Variants in PCDHGA2 observed in about 807,000 individuals in gnomAD.
PCDHGA2 encodes protocadherin gamma-A2.
Under a neutral mutation model 59.2 loss-of-function variants are expected in PCDHGA2, and 40 were observed. The ratio of observed to expected loss-of-function variants is 0.68; its 90% CI spans 0.52 to 0.88. The LOEUF is 0.88. Ranked by LOEUF, PCDHGA2 falls within the 40% of genes least tolerant of loss-of-function variation. The pLI, the probability that PCDHGA2 is intolerant of heterozygous loss-of-function variation, is 0.00. For missense variants in PCDHGA2, 1,226 were observed against 1,204.0 expected (o/e 1.02, Z -0.27); for synonymous variants, 560 against 526.0 (o/e 1.06, Z -0.89).
At chr5:141,370,622 C>G in intron 1 of PCDHGA2, 1 of 1,613,902 alleles carries the variant, frequency 6.2e-7, no homozygotes, top group South Asian at 1.1e-5. Context: ...AATTCTTTAC[C>G]GTGAGCCCCG....
chr5:141,424,116 T>G, intron 1 of PCDHGA2: 1 of 667,648 alleles, frequency 1.5e-6, no homozygotes, highest in Non-Finnish European at 1.9e-6. Context: ...GTTCAAATTT[T>G]GATCCTGTTG....
At chr5:141,362,732 A>G in intron 1 of PCDHGA2, 4 of 795,358 alleles carry the variant, frequency 5.0e-6, no homozygotes. Flanking sequence ...TGTGAGATTT[A>G]TTTACCCATG....
rs1279890312 is a variant in PCDHGA2, at chr5:141,432,403, G to C, written c.2425-62404G>C. On this transcript the variant is annotated intron_variant, in intron 1 of 3. Transcript: ENST00000394576. This position sits in a 1 kb window ranked among gnomAD's most constrained non-coding sequence, Gnocchi z 6.0. ...CGCCCCTCAGCAGCAACGTGTCGTT[G>C]AGCCTGTTCGTGCTGGACCAGAACG... 1.9e-6 allele frequency: 3 copies of C among 1,614,242 alleles called. No homozygotes were observed. Among genetic ancestry groups the C allele is most frequent in the Non-Finnish European group, 8.5e-7 (1 of 1,180,052 alleles).
chr5:141,437,377 A>G (rs1021305426), intron 1 of PCDHGA2, among the ~76,000 whole-genome samples: 3 of 152,246 alleles, frequency 2.0e-5, no homozygotes, highest in Non-Finnish European at 2.9e-5. Flanking sequence ...AATCAGTCAG[A>G]AGACATTCAT....
chr5:141,458,933 A>G (rs920768063), intron 1 of PCDHGA2, among the ~76,000 whole-genome samples: 3 of 151,912 alleles, frequency 2.0e-5, no homozygotes, highest in Admixed American at 6.6e-5. Flanking sequence ...GGGTCTCACT[A>G]TGTTGCTTAG....
intron 1 of PCDHGA2, among the ~76,000 whole-genome samples, chr5:141,402,432 TA>T (rs1325787840): frequency 6.6e-6 from 1 of 152,042 alleles, no homozygotes; most frequent in Non-Finnish European, 1.5e-5. Flanking sequence ...TGAAGCATCA[TA>T]AAAAGGAAAT....
chr5:141,486,322 A>G lies in PCDHGA2; in HGVS notation c.2425-8485A>G. The G allele has an allele frequency of 1.9e-6, 3 of 1,613,926 alleles. No homozygotes were observed. The highest frequency in any genetic ancestry group is 2.5e-6 in the Non-Finnish European group (3 of 1,179,962). On this transcript the variant is annotated intron_variant, in intron 1 of 3. Coordinates refer to ENST00000394576, the MANE Select transcript of PCDHGA2 (RefSeq NM_018915.4). This position sits in a 1 kb window ranked among gnomAD's most constrained non-coding sequence, Gnocchi z 5.0. ...AGGATCCAGACTCAGGGTCAAACGG[A>G]GATGTGAGCCTCCGCATTCCTGACC...
chr5:141,398,356 G>C (rs1242233046), intron 1 of PCDHGA2: 7 of 1,409,380 alleles, frequency 5.0e-6, no homozygotes, highest in East Asian at 2.4e-5. Context: ...TTACTTCACC[G>C]TGAGCGCAGA....
chr5:141,352,213 C>A, intron 1 of PCDHGA2: 2 of 1,614,056 alleles, frequency 1.2e-6, no homozygotes, highest in Non-Finnish European at 1.7e-6. Flanking sequence ...CGCCACTCTC[C>A]GCCACCGCCA....
chr5:141,465,348 A>G (rs886810999), intron 1 of PCDHGA2, among the ~76,000 whole-genome samples: 2 of 152,158 alleles, frequency 1.3e-5, no homozygotes, highest in African/African-American at 4.8e-5. Flanking sequence ...GTTACTGAAG[A>G]AAAAATGGGT....
At chr5:141,399,450 C>T in intron 1 of PCDHGA2, 3 of 1,614,018 alleles carry the variant, frequency 1.9e-6, no homozygotes, top group Non-Finnish European at 1.7e-6. Context: ...TCAGAGACGT[C>T]AACGATAACG....
At position 141,382,899 on chromosome 5, in the gene PCDHGA2, T is replaced by C. The variant is rs148952660; in HGVS notation, c.2424+41504T>C. On this transcript the variant is annotated intron_variant, in intron 1 of 3. Transcript: ENST00000394576. ...GCCTAAGCAAGAGAAGCAGGACGAC[T>C]ATGGCGGCTCAGCCGAGGGGCGGGG... 463 of 1,541,826 alleles carry C rather than the reference T, an allele frequency of 3.0e-4. 2 individuals carry two copies. In the African/African-American group the frequency reaches 5.3e-3, roughly 18 times the overall value.
rs1191643556 is a variant in PCDHGA2 at position 141,486,302 on chromosome 5, C to A, written c.2425-8505C>A. On this transcript the variant is annotated intron_variant, in intron 1 of 3. Transcript: ENST00000394576. The surrounding 1 kb of genome is among the most constrained non-coding windows in gnomAD (Gnocchi z 5.0). ...GGTGGCACTTATCAGTGTGCAGGAT[C>A]CAGACTCAGGGTCAAACGGAGATGT... The A allele has an allele frequency of 6.2e-7, 1 of 1,614,036 alleles. No individual in the cohort carries two copies. The highest frequency in any genetic ancestry group is 8.5e-7 in the Non-Finnish European group (1 of 1,179,994).
chr5:141,344,128 G>T (rs747941691), intron 1 of PCDHGA2: 12 of 1,614,028 alleles, frequency 7.4e-6, no homozygotes, highest in Non-Finnish European at 1.0e-5. Context: ...GGTCAGATCC[G>T]CTACTCGGTG....
At chr5:141,348,378 G>T (rs558148130) in intron 1 of PCDHGA2, among the ~76,000 whole-genome samples, 2 of 152,138 alleles carry the variant, frequency 1.3e-5, no homozygotes, top group African/African-American at 4.8e-5. Flanking sequence ...AGACCTACTT[G>T]GGCAACATAG....
In PCDHGA2 at chr5:141,431,211, G is replaced by A. The variant is rs1054638121; in HGVS notation, c.2425-63596G>A. The A allele has an allele frequency of 6.2e-7, 1 of 1,614,004 alleles. No individual in the cohort carries two copies. The highest frequency in any genetic ancestry group is 1.7e-5 in the Admixed American group (1 of 60,006). ...AGTGAAAATGCAGCCACTGAGATGC[G>A]GTTCCCTCTACCCCACGCCTGGGAT... On this transcript the variant is annotated intron_variant, in intron 1 of 3. Coordinates refer to ENST00000394576, the MANE Select transcript of PCDHGA2 (RefSeq NM_018915.4). This position sits in a 1 kb window ranked among gnomAD's most constrained non-coding sequence, Gnocchi z 4.8.
intron 1 of PCDHGA2, chr5:141,392,432 T>C (rs2092535052): frequency 6.2e-6 from 1 of 160,182 alleles, no homozygotes; most frequent in African/African-American, 2.4e-5. Flanking sequence ...ATTCTTTGGC[T>C]GTTTCTTTTA....
At chr5:141,415,809 CTA>C in intron 1 of PCDHGA2, 1 of 1,346,328 alleles carries the variant, frequency 7.4e-7, no homozygotes, top group Non-Finnish European at 9.5e-7. Flanking sequence ...CAATCAAGGC[CTA>C]TATATCATAA....
At chr5:141,506,130 GAGA>G (rs560751517) in intron 3 of PCDHGA2, among the ~76,000 whole-genome samples, 2 of 152,170 alleles carry the variant, frequency 1.3e-5, no homozygotes, top group Admixed American at 1.3e-4. Context: ...CCCAGAGCAG[GAGA>G]AGAAGAATAT....
Sources: gnomAD v4.1 joint callset for allele counts (sites outside exome capture counted in the v4.1 genomes callset) on GRCh38, gnomAD v4.1.1 for gene constraint, Gnocchi (gnomAD v3.1) non-coding constraint, MANE v1.5 for transcripts, NCBI Gene and HGNC (gene_info 2026-07-23, HGNC 2026-07-21) for gene names.